The following GALNT13 variants were observed in gnomAD, a reference collection of about 807,000 sequenced individuals.
The protein encoded by GALNT13 is polypeptide N-acetylgalactosaminyltransferase 13.
GALNT13 carries 28 observed loss-of-function variants against 64.2 expected under a neutral mutation model. The observed-to-expected ratio is 0.44, with a 90% confidence interval of 0.32 to 0.60. The LOEUF is 0.60. Among genes scored for constraint, GALNT13 ranks in the 20% least tolerant of loss-of-function variants. GALNT13 has a pLI of 0.05. For missense variants in GALNT13, 577 were observed against 669.8 expected, an observed-to-expected ratio of 0.86 and a Z score of 1.53; for synonymous variants, 214 against 224.6, an observed-to-expected ratio of 0.95 and a Z score of 0.42.
At chr2:153,916,026 C>G (rs1481040938) in intron 2 of GALNT13, among the ~76,000 whole-genome samples, 1 of 152,090 alleles carries the variant, frequency 6.6e-6, no homozygotes, top group African/African-American at 2.4e-5. Flanking sequence ...TCTTAGTGGT[C>G]ATAGTCACAA....
At chr2:153,522,844 G>T in the GALNT13 span, among the ~76,000 whole-genome samples, 2 of 151,986 alleles carry the variant, frequency 1.3e-5, 1 homozygote, top group South Asian at 4.1e-4. Context: ...CAGAACAAAA[G>T]TTTGTAGTTT....
chr2:153,707,559 T>C, the GALNT13 span, among the ~76,000 whole-genome samples: 187 of 152,310 alleles, frequency 1.2e-3, no homozygotes, highest in Non-Finnish European at 1.7e-3. Context: ...TCAATGTATG[T>C]GCTAACACAT....
chr2:154,341,283 T>C (rs994279935), intron 9 of GALNT13, among the ~76,000 whole-genome samples: 1 of 152,096 alleles, frequency 6.6e-6, no homozygotes, highest in Non-Finnish European at 1.5e-5. Flanking sequence ...GAGAGAGCCA[T>C]AGTGAAACAG....
At chr2:153,880,206 CAAT>C (rs964761549) in intron 1 of GALNT13, among the ~76,000 whole-genome samples, 1 of 151,894 alleles carries the variant, frequency 6.6e-6, no homozygotes, top group Non-Finnish European at 1.5e-5. Context: ...GATTTTTTCT[CAAT>C]AATTTTTGTA....
intron 4 of GALNT13, among the ~76,000 whole-genome samples, chr2:154,199,923 G>A (rs1345185800): frequency 1.3e-5 from 2 of 151,938 alleles, no homozygotes; most frequent in East Asian, 3.9e-4. Flanking sequence ...ATTCAGAGAT[G>A]CATTATATCC....
chr2:153,310,985 G>A, the GALNT13 span, among the ~76,000 whole-genome samples: 2 of 152,124 alleles, frequency 1.3e-5, no homozygotes, highest in African/African-American at 4.8e-5. Flanking sequence ...AACTTGTGAT[G>A]CCTTTTAAAT....
chr2:153,880,623 A>G (rs1686717736), intron 1 of GALNT13, among the ~76,000 whole-genome samples: 1 of 152,098 alleles, frequency 6.6e-6, no homozygotes, highest in Non-Finnish European at 1.5e-5. Flanking sequence ...GATTCCTGAG[A>G]CTTATATTTC....
At chr2:153,479,549 C>G in the GALNT13 span, among the ~76,000 whole-genome samples, 1 of 152,072 alleles carries the variant, frequency 6.6e-6, no homozygotes, top group Admixed American at 6.6e-5. Context: ...AGGGTCACCT[C>G]TCTGGTAAAG....
At chr2:153,801,975 T>C in the GALNT13 span, among the ~76,000 whole-genome samples, 1 of 152,198 alleles carries the variant, frequency 6.6e-6, no homozygotes, top group South Asian at 2.1e-4. Context: ...ATTAATATTC[T>C]CAAGAAAATT....
the GALNT13 span, among the ~76,000 whole-genome samples, chr2:153,443,848 G>C: frequency 6.6e-6 from 1 of 152,038 alleles, no homozygotes; most frequent in Non-Finnish European, 1.5e-5. Flanking sequence ...GCTTGAGCCC[G>C]AGTGGCAGAG....
chr2:153,286,298 T>A, the GALNT13 span, among the ~76,000 whole-genome samples: 1 of 152,164 alleles, frequency 6.6e-6, no homozygotes, highest in African/African-American at 2.4e-5. Context: ...TGTTTCTCCA[T>A]TATCTTTACA....
intron 8 of GALNT13, among the ~76,000 whole-genome samples, chr2:154,278,788 G>C (rs1052661368): frequency 6.6e-6 from 1 of 152,084 alleles, no homozygotes; most frequent in Non-Finnish European, 1.5e-5. Flanking sequence ...AAGATAATTG[G>C]ATTGTGAAAA....
At chr2:153,818,523 A>C in the GALNT13 span, among the ~76,000 whole-genome samples, 1 of 152,268 alleles carries the variant, frequency 6.6e-6, no homozygotes, top group East Asian at 1.9e-4. Flanking sequence ...CCCCAGCTGC[A>C]CCTTGCCAGG....
the GALNT13 span, among the ~76,000 whole-genome samples, chr2:153,673,697 T>A: frequency 6.6e-6 from 1 of 152,212 alleles, no homozygotes; most frequent in East Asian, 1.9e-4. Flanking sequence ...GTGTTGGAAG[T>A]TCTGGCCAGG....
At chr2:154,292,895 G>A (rs977365222) in intron 8 of GALNT13, among the ~76,000 whole-genome samples, 4 of 152,112 alleles carry the variant, frequency 2.6e-5, no homozygotes, top group Non-Finnish European at 4.4e-5. Flanking sequence ...TCACTGATGT[G>A]GGTGCCAAAA....
At chr2:153,844,091 C>G in the GALNT13 span, among the ~76,000 whole-genome samples, 1 of 152,176 alleles carries the variant, frequency 6.6e-6, no homozygotes, top group African/African-American at 2.4e-5. Context: ...TACAGCTCCA[C>G]TAGGCAGTGC....
chr2:153,620,774 G>A, the GALNT13 span, among the ~76,000 whole-genome samples: 1 of 151,800 alleles, frequency 6.6e-6, no homozygotes, highest in South Asian at 2.1e-4. Flanking sequence ...GCCTTATTTA[G>A]TTCATTTGAT....
chr2:153,641,749 C>T, the GALNT13 span, among the ~76,000 whole-genome samples: 1 of 151,954 alleles, frequency 6.6e-6, no homozygotes, highest in Non-Finnish European at 1.5e-5. Context: ...TTTTAATTTT[C>T]TTTAAGAAAA....
chr2:154,006,937 C>A (rs971732162), intron 3 of GALNT13, among the ~76,000 whole-genome samples: 2 of 152,080 alleles, frequency 1.3e-5, no homozygotes, highest in South Asian at 4.1e-4. Flanking sequence ...TATGAGAGGA[C>A]CTATGGATGT....
Sources: allele counts gnomAD v4.1 joint callset (sites outside exome capture counted in the v4.1 genomes callset), GRCh38; gene constraint gnomAD v4.1.1; transcripts MANE v1.5; gene names NCBI Gene and HGNC (gene_info 2026-07-23, HGNC 2026-07-21).